Variants in CCSER1 observed in about 807,000 individuals in gnomAD.
CCSER1 encodes coiled-coil serine rich protein 1, also known as serine-rich coiled-coil domain-containing protein 1.
In CCSER1, 41 loss-of-function variants were observed where a neutral mutation model predicts 82.0. That is an observed-to-expected ratio of 0.50 (90% CI 0.39 to 0.65). The LOEUF (loss-of-function observed/expected upper bound fraction) is 0.65, where lower values mean the gene tolerates loss of function less well. CCSER1 is among the 30% of genes least tolerant of loss of function. The pLI, the probability that CCSER1 is intolerant of heterozygous loss-of-function variation, is 0.00. For missense variants in CCSER1, 1,119 were observed against 1,064.2 expected (o/e 1.05, Z -0.72); for synonymous variants, 414 against 383.9 (o/e 1.08, Z -0.92).
chr4:90,745,792 C>T (rs774756707), intron 7 of CCSER1, among the ~76,000 whole-genome samples: 11 of 148,378 alleles, frequency 7.4e-5, no homozygotes, highest in Non-Finnish European at 1.5e-4. Context: ...TGGGCTCACG[C>T]CATTCTCCTG....
At chr4:91,198,010 C>T (rs559114792) in intron 10 of CCSER1, among the ~76,000 whole-genome samples, 9 of 151,824 alleles carry the variant, frequency 5.9e-5, no homozygotes, top group South Asian at 2.1e-4. Flanking sequence ...GCTAATATTC[C>T]GTAAAGCTTA....
At chr4:91,098,905 T>C (rs1204850579) in intron 10 of CCSER1, among the ~76,000 whole-genome samples, 1 of 152,146 alleles carries the variant, frequency 6.6e-6, no homozygotes, top group Non-Finnish European at 1.5e-5. Context: ...AGAACTAAAA[T>C]TGAAGAAAAT....
At chr4:90,598,706 G>C (rs1249040638) in intron 5 of CCSER1, among the ~76,000 whole-genome samples, 2 of 152,232 alleles carry the variant, frequency 1.3e-5, no homozygotes, top group Non-Finnish European at 2.9e-5. Flanking sequence ...CAATTCAGGA[G>C]ATTGGGGGTG....
intron 10 of CCSER1, among the ~76,000 whole-genome samples, chr4:91,281,414 C>T (rs1027963133): frequency 1.3e-5 from 2 of 152,068 alleles, no homozygotes; most frequent in Non-Finnish European, 2.9e-5. Context: ...AATTAAATGA[C>T]TCTGACAGTG....
At chr4:91,439,335 T>C (rs1470658051) in intron 10 of CCSER1, among the ~76,000 whole-genome samples, 1 of 151,956 alleles carries the variant, frequency 6.6e-6, no homozygotes, top group Admixed American at 6.6e-5. Flanking sequence ...TTCAACATTC[T>C]TAAAGAAAAG....
chr4:90,957,525 A>ATATAT (rs1272475305), intron 9 of CCSER1, among the ~76,000 whole-genome samples: 33,110 of 123,800 alleles, frequency 0.27, 5,510 homozygotes, highest in East Asian at 0.38. Context: ...ACATAATATC[A>ATATAT]TATATTATAT....
At chr4:91,422,358 A>T (rs994082046) in intron 10 of CCSER1, among the ~76,000 whole-genome samples, 19 of 152,014 alleles carry the variant, frequency 1.2e-4, no homozygotes, top group African/African-American at 4.4e-4. Context: ...CAGCACAGGG[A>T]TCTTCTCTGA....
intron 10 of CCSER1, among the ~76,000 whole-genome samples, chr4:91,482,044 A>G (rs1032322365): frequency 6.6e-6 from 1 of 151,862 alleles, no homozygotes; most frequent in Non-Finnish European, 1.5e-5. Context: ...TGGCGATCAG[A>G]GAGATGCAAA....
chr4:90,583,253 G>A (rs1041423890), intron 5 of CCSER1, among the ~76,000 whole-genome samples: 4 of 152,140 alleles, frequency 2.6e-5, no homozygotes, highest in Middle Eastern at 3.4e-3. Context: ...TGCAAACTCC[G>A]CCTCCCTGGT....
chr4:90,576,293 C>T (rs1285897216), intron 5 of CCSER1, among the ~76,000 whole-genome samples: 1 of 152,032 alleles, frequency 6.6e-6, no homozygotes. Context: ...ACCTCTGTTC[C>T]CACCTACCAC....
chr4:90,403,589 A>G (rs10516872), intron 4 of CCSER1, among the ~76,000 whole-genome samples: 5,733 of 151,908 alleles, frequency 0.038, 134 homozygotes, highest in Middle Eastern at 0.058. Context: ...ACAGCATTAA[A>G]CATTCAAAAA....
At chr4:90,791,044 TG>T (rs1415029857) in intron 7 of CCSER1, among the ~76,000 whole-genome samples, 7 of 152,250 alleles carry the variant, frequency 4.6e-5, no homozygotes, top group South Asian at 2.1e-4. Flanking sequence ...TGCATTGCTG[TG>T]GGGGGCTTAG....
At chr4:90,906,348 T>G (rs1725471259) in intron 8 of CCSER1, among the ~76,000 whole-genome samples, 1 of 152,142 alleles carries the variant, frequency 6.6e-6, no homozygotes, top group Non-Finnish European at 1.5e-5. Flanking sequence ...GAAGTTTGAT[T>G]CATGACATCA....
At chr4:91,531,616 T>A (rs1382322580) in intron 10 of CCSER1, among the ~76,000 whole-genome samples, 1 of 152,190 alleles carries the variant, frequency 6.6e-6, no homozygotes, top group African/African-American at 2.4e-5. Flanking sequence ...TGCCTTAGAC[T>A]GGGTAATTTA....
At chr4:90,543,637 C>A (rs187425291) in intron 5 of CCSER1, among the ~76,000 whole-genome samples, 26 of 152,218 alleles carry the variant, frequency 1.7e-4, no homozygotes, top group African/African-American at 6.3e-4. Flanking sequence ...CTTCATATCA[C>A]AAAATGAGTT....
intron 7 of CCSER1, chr4:90,781,288 A>G (rs1753741997): frequency 1.0e-6 from 1 of 985,064 alleles, no homozygotes; most frequent in Non-Finnish European, 1.2e-6. Flanking sequence ...TCTCTACAGA[A>G]ACAGACACTG....
At chr4:91,425,346 A>C (rs994854924) in intron 10 of CCSER1, among the ~76,000 whole-genome samples, 3 of 152,146 alleles carry the variant, frequency 2.0e-5, no homozygotes. Context: ...TTCCCATCAG[A>C]ATGTCATATA....
chr4:90,203,021 C>G (rs1173600903), intron 1 of CCSER1, among the ~76,000 whole-genome samples: 1 of 152,026 alleles, frequency 6.6e-6, no homozygotes, highest in African/African-American at 2.4e-5. Context: ...GTAAAATTTT[C>G]AGCAGTTTTA....
chr4:90,558,756 G>GT (rs1307886241), intron 5 of CCSER1, among the ~76,000 whole-genome samples: 1 of 152,156 alleles, frequency 6.6e-6, no homozygotes, highest in East Asian at 1.9e-4. Flanking sequence ...GAAAATAGCT[G>GT]TAAGACAAGA....
Sources: gnomAD v4.1 joint callset for allele counts (sites outside exome capture counted in the v4.1 genomes callset) on GRCh38, gnomAD v4.1.1 for gene constraint, MANE v1.5 for transcripts, NCBI Gene and HGNC (gene_info 2026-07-23, HGNC 2026-07-21) for gene names.